Variants in PCDHA11 observed in about 807,000 individuals in gnomAD.
PCDHA11 encodes protocadherin alpha 11.
Under a neutral mutation model 70.3 loss-of-function variants are expected in PCDHA11, and 61 were observed. The ratio of observed to expected loss-of-function variants is 0.87; its 90% confidence interval spans 0.71 to 1.07. The LOEUF is 1.07. Ranked by LOEUF, PCDHA11 falls within the 50% of genes least tolerant of loss-of-function variation. PCDHA11 has a pLI of 0.00. For missense variants in PCDHA11, 1,324 were observed against 1,237.5 expected (o/e 1.07, Z -1.05); for synonymous variants, 633 against 555.1 (o/e 1.14, Z -1.97).
chr5:141,009,471 G>A, intron 3 of PCDHA11, 156 bp from the exon 4 acceptor site: 1 of 961,136 alleles, frequency 1.0e-6, no homozygotes, highest in Non-Finnish European at 1.2e-6. Context: ...AAATAAATAA[G>A]TAAACACTTG....
intron 3 of PCDHA11, among the ~76,000 whole-genome samples, chr5:140,993,462 T>TCA (rs3836747): frequency 0.1 from 14,588 of 140,880 alleles, 728 homozygotes; most frequent in Middle Eastern, 0.17. Context: ...TCTTTCTTTC[T>TCA]CACACACACA....
At chr5:140,958,578 A>G (rs2095431763) in intron 1 of PCDHA11, among the ~76,000 whole-genome samples, 1 of 152,206 alleles carries the variant, frequency 6.6e-6, no homozygotes, top group Non-Finnish European at 1.5e-5. Context: ...TGAGATTTTA[A>G]ATGAGCTTAT....
Position 140,871,141 on chromosome 5 carries a change from C to A in PCDHA11, c.2038C>A (p.Arg680=), listed in dbSNP as rs1431247385. ...CGGACAGGCGCCAAAGGCCTCTTCCCGGACTTTGGCGGGCGCCGCGAGCCC... is the reference window on the plus strand; with the variant it reads ...CGGACAGGCGCCAAAGGCCTCTTCCAGGACTTTGGCGGGCGCCGCGAGCCC... The part of the protein sequence containing the change: ...ESGQAPKASS[R]TLAGAASPEA... Residue 680 remains arginine (R), a synonymous_variant, in exon 1 of 4, where the codon CGG becomes AGG. Coordinates refer to ENST00000398640, the MANE Select transcript of PCDHA11 (RefSeq NM_018902.5). 1.2e-6 allele frequency: 2 copies of A among 1,613,438 alleles called. No homozygotes were observed. The highest frequency in any genetic ancestry group is 1.7e-6 in the Non-Finnish European group (2 of 1,179,920).
chr5:140,935,380 A>C (rs1188418457), intron 1 of PCDHA11, among the ~76,000 whole-genome samples: 1 of 152,220 alleles, frequency 6.6e-6, no homozygotes, highest in Non-Finnish European at 1.5e-5. Context: ...AGAATTACTC[A>C]TTTGTTATCC....
chr5:140,971,958 CT>C (rs1176007834), intron 1 of PCDHA11, among the ~76,000 whole-genome samples: 2 of 152,172 alleles, frequency 1.3e-5, no homozygotes, highest in African/African-American at 2.4e-5. Context: ...ACTCCAAAAA[CT>C]TTTTTTCAAT....
rs782673398 is a variant in PCDHA11, at chr5:140,875,932, C to A, written c.2391+4438C>A. ...TGCGCCTCTGGACTCTCATTTTCCTCTAGAGGGCGCTTCTGATGCGGATAT... is the reference window on the plus strand; with the variant it reads ...TGCGCCTCTGGACTCTCATTTTCCTATAGAGGGCGCTTCTGATGCGGATAT... On this transcript the variant is annotated intron_variant, in intron 1 of 3. Coordinates refer to ENST00000398640, the MANE Select transcript of PCDHA11 (RefSeq NM_018902.5). The A allele has an allele frequency of 3.1e-6, 5 of 1,614,154 alleles. No individual in the cohort carries two copies.
At chr5:140,895,829 C>T (rs2065183021) in intron 1 of PCDHA11, among the ~76,000 whole-genome samples, 1 of 151,878 alleles carries the variant, frequency 6.6e-6, no homozygotes, top group African/African-American at 2.4e-5. Context: ...GTATTTTTTT[C>T]AGACAAAGTC....
intron 1 of PCDHA11, chr5:140,877,158 G>A (rs781901798): frequency 1.2e-6 from 2 of 1,613,808 alleles, no homozygotes; most frequent in Admixed American, 3.3e-5. Context: ...ACGACAACGC[G>A]CCGGCACTGC....
chr5:140,929,078 G>A lies in PCDHA11; in HGVS notation c.2392-49871G>A, dbSNP rs144524128. On this transcript the variant is annotated intron_variant, in intron 1 of 3. Coordinates refer to ENST00000398640, the MANE Select transcript of PCDHA11 (RefSeq NM_018902.5). ...TCTACAGAGGATCTGAGGTATGGAA[G>A]TAAGATGGTTTCAAATCCTTGCATG... 20 of 1,614,208 alleles carry A rather than the reference G, an allele frequency of 1.2e-5. No individual in the cohort carries two copies. The African/African-American group carries it at 2.3e-4, about 18-fold the overall frequency.
In PCDHA11 at chr5:140,978,964, C is replaced by A; in HGVS notation, c.2407C>A (p.Pro803Thr). The A allele has an allele frequency of 6.2e-7, 1 of 1,614,122 alleles. No individual in the cohort carries two copies. The highest frequency in any genetic ancestry group is 1.3e-5 in the African/African-American group (1 of 75,040). ...GATTTTGCAGCCACGACAGCCCAAC[C>A]CTGACTGGCGTTACTCTGCCTCCCT... The part of the protein sequence containing the change: ...NHPGQPRQPN[P>T]DWRYSASLRA... Residue 803 changes from proline (P) to threonine (T), a missense_variant, in exon 2 of 4, where the codon CCT becomes ACT. Transcript: ENST00000398640.
At chr5:140,906,518 A>G (rs377287696) in intron 1 of PCDHA11, among the ~76,000 whole-genome samples, 161 of 152,358 alleles carry the variant, frequency 1.1e-3, no homozygotes, top group African/African-American at 3.7e-3. Flanking sequence ...AGGAGGAAAT[A>G]CTCACGACAA....
At chr5:140,930,785 A>G (rs1485024316) in intron 1 of PCDHA11, among the ~76,000 whole-genome samples, 1 of 152,248 alleles carries the variant, frequency 6.6e-6, no homozygotes, top group Admixed American at 6.5e-5. Context: ...TTTTCACAAT[A>G]TAATAGAATC....
At chr5:140,993,464 A>T (rs1309811031) in intron 3 of PCDHA11, among the ~76,000 whole-genome samples, 11 of 28,960 alleles carry the variant, frequency 3.8e-4, no homozygotes, top group South Asian at 2.7e-3. Flanking sequence ...TTTCTTTCTC[A>T]CACACACACA....
At chr5:140,913,028 T>C (rs1483903035) in intron 1 of PCDHA11, among the ~76,000 whole-genome samples, 1 of 152,232 alleles carries the variant, frequency 6.6e-6, no homozygotes, top group Non-Finnish European at 1.5e-5. Flanking sequence ...TCAATATTCA[T>C]CAGATATATT....
chr5:140,870,097 C>T lies in PCDHA11; in HGVS notation c.994C>T (p.His332Tyr). 1 of 1,613,888 alleles carries T rather than the reference C, an allele frequency of 6.2e-7. No individual in the cohort carries two copies. Among genetic ancestry groups the T allele is most frequent in the African/African-American group, 1.3e-5 (1 of 75,058 alleles). ...TDKGTPPMAG[H>Y]CTVWVEILDT... ...TAAGGGGACTCCCCCAATGGCAGGTCACTGTACAGTCTGGGTGGAAATCTT... is the reference window on the plus strand; with the variant it reads ...TAAGGGGACTCCCCCAATGGCAGGTTACTGTACAGTCTGGGTGGAAATCTT... Residue 332 changes from histidine (H) to tyrosine (Y), a missense_variant, in exon 1 of 4, where the codon CAC (histidine) becomes TAC (tyrosine). Coordinates refer to ENST00000398640, the MANE Select transcript of PCDHA11 (RefSeq NM_018902.5).
chr5:141,005,463 G>A (rs2098214977), intron 3 of PCDHA11, among the ~76,000 whole-genome samples: 1 of 151,944 alleles, frequency 6.6e-6, no homozygotes. Context: ...CAGCACTTTG[G>A]GAGGCCGAGA....
chr5:140,928,043 C>G (rs1554205400), intron 1 of PCDHA11: 2 of 1,614,192 alleles, frequency 1.2e-6, no homozygotes, highest in Non-Finnish European at 1.7e-6. Context: ...AGTGCAGGCC[C>G]TTTTCAGCTG....
At chr5:140,882,343 G>T (rs1554173636) in intron 1 of PCDHA11, 1 of 1,614,198 alleles carries the variant, frequency 6.2e-7, no homozygotes, top group Admixed American at 1.7e-5. Context: ...CAGCCTGGGA[G>T]ACGGGTAGTG....
In PCDHA11 at chr5:141,011,141, A is replaced by T. The variant is rs1039778930; in HGVS notation, c.*1204A>T. ...ACAATTATGTGCACTTTGATACACA[A>T]CCTTCTCTAACCAACTATATATCAA... is the stretch of plus-strand genomic sequence containing the variant. On this transcript the variant is annotated 3_prime_UTR_variant, in exon 4 of 4. Transcript: ENST00000398640. 2.6e-5 allele frequency: 4 copies of T among 153,668 alleles called. No homozygotes were observed. The highest frequency in any genetic ancestry group is 4.4e-5 in the Non-Finnish European group (3 of 68,036). The allele number at this position is 153,668 out of a possible 1,614,324, so 9.5% of individuals were successfully genotyped here. A position where few individuals can be genotyped will look rare whatever the true frequency, so the allele number is the denominator to read the frequency against.
Sources: gnomAD v4.1 joint callset for allele counts (sites outside exome capture counted in the v4.1 genomes callset) on GRCh38, gnomAD v4.1.1 for gene constraint, MANE v1.5 for transcripts, NCBI Gene and HGNC (gene_info 2026-07-23, HGNC 2026-07-21) for gene names.